The following HTR2C variants were observed in gnomAD, a reference collection of about 807,000 sequenced individuals.
HTR2C encodes the protein 5-hydroxytryptamine (serotonin) receptor 2C, G protein-coupled.
In HTR2C, 5 loss-of-function variants were observed where a neutral mutation model predicts 21.0. The observed-to-expected ratio is 0.24, with a 90% CI of 0.12 to 0.50. The LOEUF is 0.50. HTR2C is among the 20% of genes least tolerant of loss of function. The probability of loss-of-function intolerance (pLI) is 0.98; values close to 1 mark genes in which losing one functional copy is unlikely to be tolerated. For synonymous variants in HTR2C, 150 were observed against 145.3 expected (o/e 1.03, Z -0.23); for missense variants, 271 against 371.2 (o/e 0.73, Z 2.22).
At chrX:114,775,177 CTCTTA>C in intron 4 of HTR2C, 3 of 522,030 alleles carry the variant, frequency 5.7e-6, no homozygotes, top group Non-Finnish European at 1.0e-5. Flanking sequence ...GTCCCTCTGC[CTCTTA>C]TCTTCAGCTT....
chrX:114,660,272 A>G (rs943719939), intron 2 of HTR2C, among the ~76,000 whole-genome samples: 3 of 112,287 alleles, frequency 2.7e-5, no homozygotes, highest in Non-Finnish European at 5.6e-5. Context: ...TTTTTAACTT[A>G]CAGATTCTCT....
chrX:114,767,785 G>T (rs1293584236), intron 4 of HTR2C, among the ~76,000 whole-genome samples: 3 of 108,408 alleles, frequency 2.8e-5, no homozygotes, highest in Non-Finnish European at 5.8e-5. Context: ...ATTCCCTGTT[G>T]TTTGAAGTGT....
Position 114,907,158 on chromosome X carries a change from A to C in HTR2C, c.1120A>C (p.Ile374Leu), listed in dbSNP as rs200450984. 1.8e-4 allele frequency: 223 copies of C among 1,209,439 alleles called. No individual in the cohort carries two copies. Among genetic ancestry groups the C allele is most frequent in the Non-Finnish European group, 2.1e-4 (187 of 894,948 alleles). The change falls in exon 6 of 6, where the codon ATT (isoleucine) becomes CTT (leucine). Residue 374 changes from isoleucine (I) to leucine (L), a missense_variant. Coordinates refer to ENST00000276198, the MANE Select transcript of HTR2C (RefSeq NM_000868.4). ...NPLVYTLFNK[I>L]YRRAFSNYLR... ...TCTGGTGTATACTCTGTTCAACAAA[A>C]TTTACCGAAGGGCATTCTCCAACTA... is the stretch of plus-strand genomic sequence containing the variant.
intron 2 of HTR2C, among the ~76,000 whole-genome samples, chrX:114,722,144 C>T (rs1315267372): frequency 3.6e-5 from 4 of 110,742 alleles, no homozygotes; most frequent in African/African-American, 1.3e-4. Context: ...TTCTTCCTAC[C>T]TATGAGCATA....
chrX:114,715,073 T>C (rs1932962753), intron 2 of HTR2C, among the ~76,000 whole-genome samples: 1 of 112,261 alleles, frequency 8.9e-6, no homozygotes, highest in South Asian at 3.7e-4. Context: ...TGTATACATT[T>C]TATATCAATA....
chrX:114,689,230 A>ATATATATC (rs1491078414), intron 2 of HTR2C, among the ~76,000 whole-genome samples: 1 of 100,234 alleles, frequency 1.0e-5, no homozygotes, highest in East Asian at 3.1e-4. Flanking sequence ...ATATATATAT[A>ATATATATC]TCACATTTTC....
chrX:114,644,382 T>TATATA (rs1370567944), intron 2 of HTR2C, among the ~76,000 whole-genome samples: 9 of 74,682 alleles, frequency 1.2e-4, no homozygotes, highest in Non-Finnish European at 2.3e-4. Flanking sequence ...TATATATATA[T>TATATA]ATATATATAT....
intron 5 of HTR2C, among the ~76,000 whole-genome samples, chrX:114,859,029 C>CT (rs377177122): frequency 1.0e-4 from 11 of 107,742 alleles, no homozygotes; most frequent in African/African-American, 2.0e-4. Context: ...TTGTAATGGG[C>CT]TTTTTTTTTC....
chrX:114,889,469 T>G (rs1312537343), intron 5 of HTR2C, among the ~76,000 whole-genome samples: 2 of 112,141 alleles, frequency 1.8e-5, no homozygotes, highest in Admixed American at 9.5e-5. Flanking sequence ...ATGCATACAA[T>G]CCTACACATG....
chrX:114,773,626 A>G (rs1263889525), intron 4 of HTR2C, among the ~76,000 whole-genome samples: 14 of 112,248 alleles, frequency 1.2e-4, no homozygotes, highest in Non-Finnish European at 2.4e-4. Flanking sequence ...ATGCTGAACA[A>G]TATGATGCAT....
rs782612102 is a variant in HTR2C, at chrX:114,748,502, T to G, written c.349+16895T>G. 5.4e-5 allele frequency among the ~76,000 whole-genome samples: 6 copies of G among 111,864 alleles called. No homozygotes were observed. In the East Asian group the frequency reaches 1.7e-3, roughly 31 times the overall value. On this transcript the variant is annotated intron_variant, in intron 4 of 5. Coordinates refer to ENST00000276198, the MANE Select transcript of HTR2C (RefSeq NM_000868.4). ...TTGGAGAACTCATAATACTGGAATT[T>G]AGGACTTACTGTCAAGCTACAGTAA...
At chrX:114,630,305 TA>T (rs1289455211) in intron 2 of HTR2C, among the ~76,000 whole-genome samples, 2 of 111,740 alleles carry the variant, frequency 1.8e-5, no homozygotes, top group African/African-American at 6.5e-5. Context: ...AATTATTAAC[TA>T]AAAAAAATTC....
intron 5 of HTR2C, among the ~76,000 whole-genome samples, chrX:114,867,760 A>C (rs184740786): frequency 9.0e-6 from 1 of 111,701 alleles, no homozygotes; most frequent in Admixed American, 9.5e-5. Context: ...TATTGAAGAA[A>C]CTGTCTTTTC....
intron 4 of HTR2C, among the ~76,000 whole-genome samples, chrX:114,824,236 A>C (rs1209604523): frequency 1.8e-5 from 2 of 111,370 alleles, no homozygotes; most frequent in Non-Finnish European, 3.8e-5. Context: ...ATATCCAGGG[A>C]ATTCTGTCAA....
At chrX:114,588,431 T>C (rs781808832) in intron 1 of HTR2C, among the ~76,000 whole-genome samples, 10 of 111,656 alleles carry the variant, frequency 9.0e-5, no homozygotes, top group African/African-American at 3.2e-4. Context: ...AACTGCATTG[T>C]CCAGTGCAAC....
chrX:114,820,397 T>C (rs1227811387), intron 4 of HTR2C, among the ~76,000 whole-genome samples: 2 of 110,019 alleles, frequency 1.8e-5, no homozygotes, highest in Non-Finnish European at 3.8e-5. Context: ...AAAGTAAATT[T>C]GAAAAACTTT....
intron 2 of HTR2C, among the ~76,000 whole-genome samples, chrX:114,627,885 A>G (rs1929443215): frequency 8.9e-6 from 1 of 112,172 alleles, no homozygotes; most frequent in African/African-American, 3.2e-5. Flanking sequence ...ATTAGATCAT[A>G]GGATCAGAAA....
At chrX:114,788,914 G>A (rs2070204382) in intron 4 of HTR2C, among the ~76,000 whole-genome samples, 1 of 111,844 alleles carries the variant, frequency 8.9e-6, no homozygotes, top group African/African-American at 3.2e-5. Context: ...CTCCCAAAGT[G>A]TTGGGATTAC....
intron 2 of HTR2C, among the ~76,000 whole-genome samples, chrX:114,718,543 C>G (rs1763841112): frequency 1.8e-5 from 2 of 111,924 alleles, no homozygotes; most frequent in Admixed American, 1.9e-4. Context: ...TCTGCAATAT[C>G]TTGTGTAAAA....
Sources: gnomAD v4.1 joint callset for allele counts (sites outside exome capture counted in the v4.1 genomes callset) on GRCh38, gnomAD v4.1.1 for gene constraint, MANE v1.5 for transcripts, NCBI Gene and HGNC (gene_info 2026-07-23, HGNC 2026-07-21) for gene names.